EPRS1: variants seen among roughly 807,000 people sequenced by gnomAD.
EPRS1 encodes the protein glutamyl-prolyl-tRNA synthetase 1, also known as bifunctional glutamate/proline--tRNA ligase.
Under a neutral mutation model 188.3 loss-of-function variants are expected in EPRS1, and 107 were observed. That is an observed-to-expected ratio of 0.57 (90% confidence interval 0.49 to 0.67). EPRS1 has a LOEUF of 0.67. EPRS1 is among the 30% of genes least tolerant of loss of function. EPRS1 has a pLI of 0.00. For missense variants in EPRS1, 1,577 were observed against 1,802.2 expected (o/e 0.88, Z 2.26); for synonymous variants, 596 against 593.1 (o/e 1.00, Z -0.07).
At chr1:219,996,604 T>G (rs769904060) in intron 18 of EPRS1, among the ~76,000 whole-genome samples, 13 of 152,248 alleles carry the variant, frequency 8.5e-5, no homozygotes, top group Non-Finnish European at 1.6e-4. Context: ...AGTGCCTTGT[T>G]GTGATCTTTG....
chr1:220,019,810 T>C (rs116136460), intron 10 of EPRS1, among the ~76,000 whole-genome samples, 178 bp downstream of exon 10: 3,053 of 152,252 alleles, frequency 0.02, 95 homozygotes, highest in African/African-American at 0.062. Context: ...ATTTGTGGCA[T>C]TAAAACAAGA....
chr1:220,028,535 CAT>C (rs1662028962), intron 6 of EPRS1, among the ~76,000 whole-genome samples: 1 of 152,066 alleles, frequency 6.6e-6, no homozygotes, highest in Non-Finnish European at 1.5e-5. Context: ...GGGCTTCTGC[CAT>C]ATGTTAACAG....
At chr1:220,026,077 G>A (rs1223888057) in intron 6 of EPRS1, among the ~76,000 whole-genome samples, 1 of 152,210 alleles carries the variant, frequency 6.6e-6, no homozygotes, top group African/African-American at 2.4e-5. Flanking sequence ...ACAGGCGTGA[G>A]CCACCGCACC....
chr1:219,992,914 G>A (rs936314894), intron 18 of EPRS1, among the ~76,000 whole-genome samples: 1 of 151,852 alleles, frequency 6.6e-6, no homozygotes, highest in Non-Finnish European at 1.5e-5. Context: ...GCAAGACTCC[G>A]TCTCAAAAAA....
At chr1:220,026,994 C>T (rs1026695768) in intron 6 of EPRS1, among the ~76,000 whole-genome samples, 5 of 152,094 alleles carry the variant, frequency 3.3e-5, no homozygotes, top group Non-Finnish European at 7.3e-5. Context: ...AATGATTCAA[C>T]TTTAAGAAGG....
intron 28 of EPRS1, among the ~76,000 whole-genome samples, chr1:219,975,377 A>G (rs1431808111): frequency 6.6e-6 from 1 of 152,198 alleles, no homozygotes; most frequent in Non-Finnish European, 1.5e-5. Flanking sequence ...TCATTGTCAG[A>G]AAAGGGAATT....
chr1:220,003,844 A>T (rs1358714100), intron 16 of EPRS1, among the ~76,000 whole-genome samples: 1 of 152,214 alleles, frequency 6.6e-6, no homozygotes, highest in Non-Finnish European at 1.5e-5. Context: ...ATGACGAAAA[A>T]GCCACAAGGC....
At position 220,020,178 on chromosome 1, in the gene EPRS1, T is replaced by C. The variant is rs1472933885; in HGVS notation, c.1159A>G (p.Ile387Val). 8 of 1,613,990 alleles carry C rather than the reference T, an allele frequency of 5.0e-6. No homozygotes were observed. Among genetic ancestry groups the C allele is most frequent in the Non-Finnish European group, 6.8e-6 (8 of 1,179,998 alleles). The change falls in exon 10 of 32, where the codon ATC (isoleucine) becomes GTC (valine). Residue 387 changes from isoleucine (I) to valine (V), a missense_variant. Around this residue, in one of 3 missense-constraint regions of EPRS1, gnomAD observed 1,278 missense variants for 1,457.4 expected, o/e 0.88. Transcript: ENST00000366923. ...YDFACPIVDS[I>V]EGVTHALRTT... ...CTCAGGGCATGTGTAACACCTTCGA[T>C]GCTGTCAACTATGGGGCAGGCAAAA... is the stretch of plus-strand genomic sequence containing the variant.
intron 20 of EPRS1, among the ~76,000 whole-genome samples, chr1:219,986,861 T>C (rs1486841992): frequency 6.6e-6 from 1 of 151,972 alleles, no homozygotes; most frequent in Non-Finnish European, 1.5e-5. Flanking sequence ...CAGAAGAAAC[T>C]GTTAACAGTG....
intron 9 of EPRS1, among the ~76,000 whole-genome samples, chr1:220,020,827 TATATATATATATATA>T (rs1661860421): frequency 4.2e-4 from 1 of 2,368 alleles, no homozygotes; most frequent in East Asian, 0.025. Flanking sequence ...TTTGAATTTA[TATATATATATATATA>T]TATATATATA....
chr1:219,999,966 ACT>A (rs1461572424), intron 17 of EPRS1, among the ~76,000 whole-genome samples: 1 of 151,986 alleles, frequency 6.6e-6, no homozygotes, highest in Non-Finnish European at 1.5e-5. Flanking sequence ...ACAGAGCAAT[ACT>A]CTGTCTCAAA....
At chr1:220,018,308 A>G (rs555546308) in intron 12 of EPRS1, 141 bp downstream of exon 12, 1 of 926,874 alleles carries the variant, frequency 1.1e-6, no homozygotes, top group Non-Finnish European at 1.7e-6. Flanking sequence ...AAAAAGGAAA[A>G]CATTCCATTT....
chr1:219,988,587 A>G lies in EPRS1; in HGVS notation c.2775+3T>C, dbSNP rs114089608. The G allele has an allele frequency of 9.1e-4, 1,454 of 1,595,382 alleles. 12 individuals are homozygous for G. In the African/African-American group the frequency reaches 0.015, roughly 17 times the overall value. ...AAGCATATAAACAAAATAACACACT[A>G]ACCTTAGGGGCTTTTTCAGTTTTAA... On this transcript the variant is annotated splice_donor_region_variant and intron_variant, in intron 19 of 31. Coordinates refer to ENST00000366923, the MANE Select transcript of EPRS1 (RefSeq NM_004446.3).
intron 21 of EPRS1, 74 bp downstream of exon 21, chr1:219,984,132 T>A (rs1193752870): frequency 8.0e-6 from 8 of 1,003,030 alleles, no homozygotes; most frequent in Admixed American, 3.5e-5. Flanking sequence ...TTTGTGCCCA[T>A]ATTTTAGAAT....
In EPRS1 at chr1:219,988,971, T is replaced by C. The variant is rs1571664246; in HGVS notation, c.2542-148A>G. ...TGTTAAATCATCAGCCTACAATAAG[T>C]GATAAAGCTAAATTAAAAACATAAA... On this transcript the variant is annotated intron_variant, in intron 18 of 31. Transcript: ENST00000366923. 1.1e-5 allele frequency: 6 copies of C among 570,496 alleles called. No individual in the cohort carries two copies. In the East Asian group the frequency reaches 1.4e-4, roughly 14 times the overall value. 35.3% of individuals were successfully genotyped at this position (570,496 alleles called of 1,614,324 possible).
At chr1:219,994,879 C>T (rs1298117089) in intron 18 of EPRS1, among the ~76,000 whole-genome samples, 2 of 151,976 alleles carry the variant, frequency 1.3e-5, no homozygotes, top group East Asian at 3.9e-4. Flanking sequence ...GTCTCGATCT[C>T]CTGACCTTAT....
intron 18 of EPRS1, 107 bp downstream of exon 18, chr1:219,996,876 T>G: frequency 8.5e-7 from 1 of 1,180,850 alleles, no homozygotes; most frequent in Non-Finnish European, 1.2e-6. Context: ...TGTTGATTAT[T>G]ACATCAAAAT....
chr1:219,979,666 C>T, intron 26 of EPRS1, 51 bp from the exon 27 acceptor site: 1 of 1,276,520 alleles, frequency 7.8e-7, no homozygotes, highest in South Asian at 1.2e-5. Flanking sequence ...CTATTATGCC[C>T]TTGAAAATGA....
rs1169615285 is a variant in EPRS1 at position 220,022,527 on chromosome 1, T to C, written c.944-9A>G. On this transcript the variant is annotated splice_polypyrimidine_tract_variant and intron_variant, in intron 8 of 31. Transcript: ENST00000366923. ...TAGATTCTTCTCAATAGCTATAAAATGATAATTACATTACGGTTCACTAAT... is the reference window on the plus strand; with the variant it reads ...TAGATTCTTCTCAATAGCTATAAAACGATAATTACATTACGGTTCACTAAT... 1.3e-6 allele frequency: 2 copies of C among 1,599,238 alleles called. No individual in the cohort carries two copies. The highest frequency in any genetic ancestry group is 2.2e-5 in the East Asian group (1 of 44,772).
Sources: gnomAD v4.1 joint callset for allele counts (sites outside exome capture counted in the v4.1 genomes callset) on GRCh38, gnomAD v4.1.1 for gene constraint, gnomAD v4.1.1 regional missense constraint, MANE v1.5 for transcripts, NCBI Gene and HGNC (gene_info 2026-07-23, HGNC 2026-07-21) for gene names.